Variants in BMP6 observed in about 807,000 individuals in gnomAD.
The protein encoded by BMP6 is bone morphogenetic protein 6.
In BMP6, 17 loss-of-function variants were observed where a neutral mutation model predicts 54.1. The observed-to-expected ratio is 0.31, with a 90% CI of 0.22 to 0.47. The LOEUF is 0.47. Ranked by LOEUF, BMP6 falls within the 20% of genes least tolerant of loss-of-function variation. The pLI is 1.00. For synonymous variants in BMP6, 328 were observed against 291.2 expected (o/e 1.13, Z -1.28); for missense variants, 720 against 690.4 (o/e 1.04, Z -0.48).
chr6:7,843,675 C>T (rs1431852450), intron 1 of BMP6, among the ~76,000 whole-genome samples: 2 of 152,054 alleles, frequency 1.3e-5, no homozygotes, highest in African/African-American at 2.4e-5. Context: ...TTTCTTGACT[C>T]TGGGGAAAAG....
intron 1 of BMP6, among the ~76,000 whole-genome samples, chr6:7,742,051 A>G (rs907649271): frequency 6.6e-6 from 1 of 152,236 alleles, no homozygotes; most frequent in East Asian, 1.9e-4. Context: ...TCTCATTACA[A>G]ATAACATCAA....
intron 1 of BMP6, among the ~76,000 whole-genome samples, chr6:7,730,236 A>G (rs1324240693): frequency 6.6e-6 from 1 of 152,210 alleles, no homozygotes; most frequent in Non-Finnish European, 1.5e-5. Flanking sequence ...CTGTCAGCTA[A>G]TCCTTGCTAG....
At chr6:7,826,066 G>A (rs1467976381) in intron 1 of BMP6, among the ~76,000 whole-genome samples, 1 of 152,194 alleles carries the variant, frequency 6.6e-6, no homozygotes, top group Non-Finnish European at 1.5e-5. Flanking sequence ...AGTGGGCTCC[G>A]GGTACCCTGT....
chr6:7,749,624 GCC>G (rs1285028805), intron 1 of BMP6, among the ~76,000 whole-genome samples: 1 of 152,140 alleles, frequency 6.6e-6, no homozygotes, highest in African/African-American at 2.4e-5. Flanking sequence ...CTGAGGATGA[GCC>G]TACACCCTGT....
intron 1 of BMP6, among the ~76,000 whole-genome samples, chr6:7,743,804 A>G (rs1378433636): frequency 1.3e-5 from 2 of 152,270 alleles, no homozygotes; most frequent in Non-Finnish European, 2.9e-5. Flanking sequence ...CTAAGGTTCA[A>G]CTATAGTACA....
At chr6:7,745,894 G>A (rs1413734310) in intron 1 of BMP6, among the ~76,000 whole-genome samples, 1 of 152,118 alleles carries the variant, frequency 6.6e-6, no homozygotes, top group Non-Finnish European at 1.5e-5. Flanking sequence ...CTTGAACCCA[G>A]GAGGCGGAGG....
rs747360894 is a variant in BMP6 at position 7,861,479 on chromosome 6, C to T, written c.886C>T (p.Arg296Cys). ...CTCTGACCTGTTTTTGTTGGACACC[C>T]GTGTAGTATGGGCCTCAGAAGAAGG... ...RDSDLFLLDT[R>C]VVWASEEGWL... Residue 296 changes from arginine (R) to cysteine (C), a missense_variant, in exon 3 of 7, where the codon CGT becomes TGT. By Grantham distance (180) the Arg-to-Cys change is radical. This residue lies in a region of BMP6 where 650 missense variants were observed against 556.3 expected (regional missense o/e 1.17). Coordinates refer to ENST00000283147, the MANE Select transcript of BMP6 (RefSeq NM_001718.6). 5.0e-6 allele frequency: 8 copies of T among 1,613,942 alleles called. No homozygotes were observed. The highest frequency in any genetic ancestry group is 2.7e-5 in the African/African-American group (2 of 74,890).
At chr6:7,730,057 G>T (rs928390171) in intron 1 of BMP6, among the ~76,000 whole-genome samples, 1 of 152,164 alleles carries the variant, frequency 6.6e-6, no homozygotes, top group African/African-American at 2.4e-5. Flanking sequence ...GGAAACCACT[G>T]CCTTAGATGG....
At chr6:7,798,347 C>T (rs1386971569) in intron 1 of BMP6, among the ~76,000 whole-genome samples, 1 of 152,174 alleles carries the variant, frequency 6.6e-6, no homozygotes, top group Non-Finnish European at 1.5e-5. Context: ...ATGGTCTGGA[C>T]CACTTTCCTC....
chr6:7,809,503 T>C (rs1400044383), intron 1 of BMP6, among the ~76,000 whole-genome samples: 1 of 152,214 alleles, frequency 6.6e-6, no homozygotes, highest in Non-Finnish European at 1.5e-5. Context: ...TTTTTTTTCC[T>C]GTGTGTGGCT....
At chr6:7,876,642 C>A (rs1295395508) in intron 4 of BMP6, among the ~76,000 whole-genome samples, 1 of 152,102 alleles carries the variant, frequency 6.6e-6, no homozygotes, top group Non-Finnish European at 1.5e-5. Flanking sequence ...TAATGTATAA[C>A]TAATCTGTTA....
intron 4 of BMP6, among the ~76,000 whole-genome samples, chr6:7,870,477 C>A (rs1457770955): frequency 6.6e-6 from 1 of 152,210 alleles, no homozygotes; most frequent in Non-Finnish European, 1.5e-5. Flanking sequence ...GGCACCACAG[C>A]TGGGACCTCT....
chr6:7,817,067 G>A (rs983681483), intron 1 of BMP6, among the ~76,000 whole-genome samples: 14 of 152,274 alleles, frequency 9.2e-5, no homozygotes, highest in African/African-American at 1.7e-4. Flanking sequence ...CAGTCCACTC[G>A]AGAGAAACCA....
At chr6:7,759,652 T>TA (rs1757578371) in intron 1 of BMP6, among the ~76,000 whole-genome samples, 4 of 142,800 alleles carry the variant, frequency 2.8e-5, no homozygotes, top group Non-Finnish European at 4.6e-5. Flanking sequence ...ATAAAAGAAT[T>TA]TAAAAAAAAG....
chr6:7,759,076 T>C (rs1488593904), intron 1 of BMP6, among the ~76,000 whole-genome samples: 1 of 152,186 alleles, frequency 6.6e-6, no homozygotes, highest in East Asian at 1.9e-4. Flanking sequence ...TCCTGAATGG[T>C]TAGATGGTAT....
At chr6:7,789,610 G>A (rs534157665) in intron 1 of BMP6, among the ~76,000 whole-genome samples, 1 of 152,252 alleles carries the variant, frequency 6.6e-6, no homozygotes, top group East Asian at 1.9e-4. Context: ...CAGGTTGGCA[G>A]GTGCTCCTGG....
intron 4 of BMP6, among the ~76,000 whole-genome samples, chr6:7,877,494 G>A (rs772429831): frequency 5.3e-5 from 8 of 152,008 alleles, no homozygotes; most frequent in Admixed American, 3.9e-4. Flanking sequence ...ATGGTGGCTC[G>A]CGCCTGTAGT....
At chr6:7,841,549 G>T (rs1178318885) in intron 1 of BMP6, among the ~76,000 whole-genome samples, 1 of 152,094 alleles carries the variant, frequency 6.6e-6, no homozygotes, top group African/African-American at 2.4e-5. Context: ...ACATTCAATC[G>T]CAGGCAAAAG....
At chr6:7,822,896 GTTGT>G (rs751136899) in intron 1 of BMP6, among the ~76,000 whole-genome samples, 1 of 85,662 alleles carries the variant, frequency 1.2e-5, no homozygotes, top group Non-Finnish European at 2.3e-5. Context: ...ATTGGTGCTG[GTTGT>G]GTGTGTGTGT....
Sources: allele counts gnomAD v4.1 joint callset (sites outside exome capture counted in the v4.1 genomes callset), GRCh38; gene constraint gnomAD v4.1.1; regional missense constraint gnomAD v4.1.1; transcripts MANE v1.5; gene names NCBI Gene and HGNC (gene_info 2026-07-23, HGNC 2026-07-21).